COG1: variants seen among roughly 807,000 people sequenced by gnomAD.
The protein encoded by COG1 is conserved oligomeric Golgi complex subunit 1.
A neutral mutation model predicts 102.2 loss-of-function variants in COG1; 61 were observed. The observed-to-expected ratio is 0.60, with a 90% CI of 0.49 to 0.74. The LOEUF (loss-of-function observed/expected upper bound fraction) is 0.74. Ranked by LOEUF, COG1 falls within the 30% of genes least tolerant of loss-of-function variation. The pLI is 0.00. For missense variants in COG1, 1,164 were observed against 1,232.1 expected, an observed-to-expected ratio of 0.94 and a Z score of 0.83; for synonymous variants, 454 against 493.6, an observed-to-expected ratio of 0.92 and a Z score of 1.06.
At chr17:73,208,093 GAC>G in intron 13 of COG1, 1 of 1,440,392 alleles carries the variant, frequency 6.9e-7, no homozygotes, top group Non-Finnish European at 9.1e-7. Flanking sequence ...CTTTTCCCAA[GAC>G]AGTCCTCATT....
chr17:73,201,110 C>T lies in COG1; in HGVS notation c.1283C>T (p.Thr428Ile). ...MQQLFLDRLQ[T>I]LTKEGFDSIS... Reference sequence around the variant, plus strand: ...AACTCTTCTCTCATTCTCTTTTAGACTCTGACAAAAGAAGGCTTTGACTCC... The same window carrying T: ...AACTCTTCTCTCATTCTCTTTTAGATTCTGACAAAAGAAGGCTTTGACTCC... The change falls in exon 7 of 14, where the codon ACT becomes ATT. Residue 428 changes from threonine (T) to isoleucine (I), a missense_variant and splice_region_variant. Thr to Ile is a moderately conservative substitution (Grantham distance 89). Coordinates refer to ENST00000299886, the MANE Select transcript of COG1 (RefSeq NM_018714.3). 1 of 1,613,560 alleles carries T rather than the reference C, an allele frequency of 6.2e-7. No homozygotes were observed. The highest frequency in any genetic ancestry group is 1.1e-5 in the South Asian group (1 of 91,080).
Position 73,208,149 on chromosome 17 carries a change from C to T in COG1, c.2806-165C>T. 6.6e-6 allele frequency: 10 copies of T among 1,515,924 alleles called. No homozygotes were observed. The South Asian group carries it at 8.6e-5, about 13-fold the overall frequency. The allele number at this position is 1,515,924 out of a possible 1,614,324, so 93.9% of individuals were successfully genotyped here. A position where few individuals can be genotyped will look rare whatever the true frequency, so the allele number is the denominator to read the frequency against. ...CACAAAGGCTCATGCTGTTCCGTGTCCTCTTCAAATCTGGACCGACAGCAA... is the reference window on the plus strand; with the variant it reads ...CACAAAGGCTCATGCTGTTCCGTGTTCTCTTCAAATCTGGACCGACAGCAA... On this transcript the variant is annotated intron_variant, in intron 13 of 13. Transcript: ENST00000299886.
intron 13 of COG1, chr17:73,207,524 T>G: frequency 1.7e-6 from 1 of 595,432 alleles, no homozygotes; most frequent in Admixed American, 2.5e-5. Context: ...AGCTCTTGAA[T>G]TTAGTAGGGT....
At chr17:73,208,046 G>C (rs1239190987) in intron 13 of COG1, 3 of 1,367,072 alleles carry the variant, frequency 2.2e-6, no homozygotes, top group Non-Finnish European at 2.8e-6. Flanking sequence ...GCCCACATTA[G>C]GTTAGCAGGC....
rs1568296260 is a variant in COG1 at position 73,200,026 on chromosome 17, G to A, written c.1070+5G>A. The A allele has an allele frequency of 6.2e-7, 1 of 1,609,822 alleles. No individual in the cohort carries two copies. The highest frequency in any genetic ancestry group is 8.5e-7 in the Non-Finnish European group (1 of 1,177,900). The stretch of plus-strand genomic sequence containing the variant: ...GCTGCAGAAATGGATCCACATGTAA[G>A]TAACCAGAAAGAGCTTCCCTGCAGC... On this transcript the variant is annotated splice_donor_5th_base_variant and intron_variant, in intron 5 of 13. Coordinates refer to ENST00000299886, the MANE Select transcript of COG1 (RefSeq NM_018714.3).
At position 73,201,721 on chromosome 17, in the gene COG1, A is replaced by C; in HGVS notation, c.1894A>C (p.Ile632Leu). 6.2e-7 allele frequency: 1 copy of C among 1,614,224 alleles called. No individual in the cohort carries two copies. The highest frequency in any genetic ancestry group is 1.3e-5 in the African/African-American group (1 of 75,066). Residue 632 changes from isoleucine to leucine, a missense_variant, in exon 7 of 14, where the codon ATC becomes CTC. Physicochemically the swap from Ile to Leu is conservative, Grantham distance 5 (BLOSUM62 2). Coordinates refer to ENST00000299886, the MANE Select transcript of COG1 (RefSeq NM_018714.3). ...GCTGTGCCCCCATCTGAAGCAGTGC[A>C]TCCTGGGAAAATCAGAGAGCTCAGA... is the stretch of plus-strand genomic sequence containing the variant. ...GELCPHLKQC[I>L]LGKSESSEKP...
At chr17:73,202,923 G>C (rs1235472045) in intron 7 of COG1, 77 bp from the exon 8 acceptor site, 1 of 1,510,614 alleles carries the variant, frequency 6.6e-7, no homozygotes, top group Admixed American at 1.7e-5. Context: ...GCTGTTCTCA[G>C]GATTACACAG....
chr17:73,207,860 TC>T (rs2061387711), intron 13 of COG1: 1 of 1,216,248 alleles, frequency 8.2e-7, no homozygotes, highest in African/African-American at 1.6e-5. Flanking sequence ...CTTTCCGTAT[TC>T]CCTACCATCG....
At chr17:73,204,061 T>G (rs2061358135) in intron 9 of COG1, among the ~76,000 whole-genome samples, 1 of 152,078 alleles carries the variant, frequency 6.6e-6, no homozygotes. Flanking sequence ...TTTGGGAGGC[T>G]GAGGTGGGAG....
rs1037256 is a variant in COG1 at position 73,201,609 on chromosome 17, G to T, written c.1782G>T (p.Glu594Asp). Residue 594 changes from glutamate (E) to aspartate (D), a missense_variant, in exon 7 of 14, where the codon GAG becomes GAT. Physicochemically the swap from Glu to Asp is conservative, Grantham distance 45. Coordinates refer to ENST00000299886, the MANE Select transcript of COG1 (RefSeq NM_018714.3). ...CIRAELQSIE[E>D]GVQGQQDALN... ...GGGCAGAGCTACAGAGCATTGAAGA[G>T]GGTGTGCAAGGGCAACAGGATGCCC... The T allele has an allele frequency of 2.4e-4, 388 of 1,613,850 alleles. No individual in the cohort carries two copies. The highest frequency in any genetic ancestry group is 4.5e-4 in the Admixed American group (27 of 59,988).
At chr17:73,200,916 C>T (rs766427300) in intron 6 of COG1, 140 bp downstream of exon 6, 11 of 947,568 alleles carry the variant, frequency 1.2e-5, no homozygotes, top group African/African-American at 3.2e-5. Context: ...GCTGAAAATA[C>T]ACCAGGCCTC....
At chr17:73,194,152 A>ATTTTTTTTT (rs1257232460) in intron 1 of COG1, among the ~76,000 whole-genome samples, 4 of 147,340 alleles carry the variant, frequency 2.7e-5, no homozygotes, top group Non-Finnish European at 4.5e-5. Context: ...TTCCTAAAGA[A>ATTTTTTTTT]TTTTTATTGG....
rs761450167 is a variant in COG1 at position 73,201,757 on chromosome 17, A to G, written c.1930A>G (p.Arg644Gly). The change falls in exon 7 of 14, where the codon AGG becomes GGG. Residue 644 changes from arginine to glycine, a missense_variant. By Grantham distance (125) the Arg-to-Gly change is moderately radical. Transcript: ENST00000299886. ...ATCAGAGAGCTCAGAGAAACCAGCA[A>G]GGGAGTTTAGGGCTCTGAGAAAACA... ...GKSESSEKPA[R>G]EFRALRKQGK... 5.0e-6 allele frequency: 8 copies of G among 1,614,196 alleles called. No homozygotes were observed. The South Asian group carries it at 8.8e-5, about 18-fold the overall frequency.
chr17:73,202,119 C>T lies in COG1; in HGVS notation c.2073+219C>T, dbSNP rs77232179. The stretch of plus-strand genomic sequence containing the variant: ...TTGGGAGGCCAAGATGGGCAGATCG[C>T]GAGGTCAGGAGATCGAGACCATCCT... On this transcript the variant is annotated intron_variant, in intron 7 of 13. Transcript: ENST00000299886. Among the ~76,000 whole-genome samples, 77 of 150,406 alleles carry T rather than the reference C, an allele frequency of 5.1e-4. 1 individual carries two copies. The East Asian group carries it at 0.015, about 28-fold the overall frequency.
At chr17:73,205,406 T>C in intron 9 of COG1, 147 bp from the exon 10 acceptor site, 1 of 823,140 alleles carries the variant, frequency 1.2e-6, no homozygotes, top group East Asian at 2.5e-5. Context: ...TGTTTTGTTG[T>C]TGTGAGATTA....
chr17:73,208,233 C>A (rs768371015), intron 13 of COG1, 81 bp from the exon 14 acceptor site: 8 of 1,606,202 alleles, frequency 5.0e-6, no homozygotes, highest in Non-Finnish European at 6.8e-6. Flanking sequence ...CGTGTGGACT[C>A]CGAGTGGCGT....
At chr17:73,203,198 A>C (rs536585008) in intron 8 of COG1, 52 bp downstream of exon 8, 3 of 1,602,418 alleles carry the variant, frequency 1.9e-6, no homozygotes, top group East Asian at 4.5e-5. Flanking sequence ...CGTGGAAAAG[A>C]AGAAAGATTT....
In COG1 at chr17:73,207,237, A is replaced by C. The variant is rs2061381077; in HGVS notation, c.2786A>C (p.Asn929Thr). 1.2e-6 allele frequency: 2 copies of C among 1,614,006 alleles called. No individual in the cohort carries two copies. The highest frequency in any genetic ancestry group is 1.7e-6 in the Non-Finnish European group (2 of 1,180,034). Residue 929 changes from asparagine to threonine, a missense_variant, in exon 13 of 14, where the codon AAC becomes ACC. Transcript: ENST00000299886. Reference sequence around the variant, plus strand: ...ACTCGAAAGGCTAAATCAACCAGAAACATCGAAACAAAAGCTCAGGTTGGT... The same window carrying C: ...ACTCGAAAGGCTAAATCAACCAGAACCATCGAAACAAAAGCTCAGGTTGGT... ...TSTRKAKSTRNIETKAQVVPP... is the reference protein window; with the variant it reads ...TSTRKAKSTRTIETKAQVVPP...
At position 73,193,229 on chromosome 17, in the gene COG1, G is replaced by A. The variant is rs1188345848; in HGVS notation, c.160G>A (p.Glu54Lys). The change falls in exon 1 of 14, where the codon GAA (glutamate) becomes AAA (lysine). Residue 54 changes from glutamate (E) to lysine (K), a missense_variant. Coordinates refer to ENST00000299886, the MANE Select transcript of COG1 (RefSeq NM_018714.3). Reference protein sequence around the residue: ...KKEELRQMVGERYRDLIEAAD... With the variant: ...KKEELRQMVGKRYRDLIEAAD... ...GGAGGAGCTGCGGCAGATGGTGGGC[G>A]AACGGTACCGCGACCTGATCGAGGC... 1 of 1,608,758 alleles carries A rather than the reference G, an allele frequency of 6.2e-7. No homozygotes were observed. The highest frequency in any genetic ancestry group is 1.7e-5 in the Admixed American group (1 of 59,406).
Sources: gnomAD v4.1 joint callset for allele counts (sites outside exome capture counted in the v4.1 genomes callset) on GRCh38, gnomAD v4.1.1 for gene constraint, MANE v1.5 for transcripts, NCBI Gene and HGNC (gene_info 2026-07-23, HGNC 2026-07-21) for gene names.